Variants in DISC1 observed in about 807,000 individuals in gnomAD.
DISC1 encodes DISC1 scaffold protein, also known as disrupted in schizophrenia 1 protein.
DISC1 carries 57 observed loss-of-function variants against 84.5 expected under a neutral mutation model. That is an observed-to-expected ratio of 0.67 (90% CI 0.55 to 0.84). The LOEUF (loss-of-function observed/expected upper bound fraction) is 0.84. DISC1 is among the 40% of genes least tolerant of loss of function. DISC1 has a pLI of 0.00. For missense variants in DISC1, 1,000 were observed against 1,057.8 expected, an observed-to-expected ratio of 0.95 and a Z score of 0.76; for synonymous variants, 411 against 415.2, an observed-to-expected ratio of 0.99 and a Z score of 0.12.
Position 231,777,198 on chromosome 1 carries a change from T to G in DISC1, c.1634+6128T>G, listed in dbSNP as rs189389353. Reference sequence around the variant, plus strand: ...TGCATTTTTCTAGGAAATTCTGATTTTCCCCCTCTTTTTTTTGGTAAGGAC... The same window carrying G: ...TGCATTTTTCTAGGAAATTCTGATTGTCCCCCTCTTTTTTTTGGTAAGGAC... On this transcript the variant is annotated intron_variant, in intron 6 of 12. Transcript: ENST00000439617. Among the ~76,000 whole-genome samples the G allele has an allele frequency of 1.8e-3, 279 of 152,244 alleles. 2 individuals carry two copies. Among genetic ancestry groups the G allele is most frequent in the African/African-American group, 6.4e-3 (267 of 41,546 alleles).
chr1:231,635,032 A>C (rs138243930), intron 1 of DISC1, among the ~76,000 whole-genome samples: 1 of 152,190 alleles, frequency 6.6e-6, no homozygotes, highest in Admixed American at 6.5e-5. Context: ...TTAGAGCTTA[A>C]CAGCCACACC....
At chr1:231,924,775 G>A (rs1039383988) in intron 9 of DISC1, among the ~76,000 whole-genome samples, 4 of 151,478 alleles carry the variant, frequency 2.6e-5, no homozygotes, top group Non-Finnish European at 5.9e-5. Context: ...TCCTGCCTCA[G>A]CCTCCTGAGT....
chr1:231,747,762 T>C (rs2074168299), intron 3 of DISC1, among the ~76,000 whole-genome samples: 1 of 152,200 alleles, frequency 6.6e-6, no homozygotes, highest in South Asian at 2.1e-4. Flanking sequence ...TGTAGTTCCA[T>C]ACAAACTTTA....
intron 1 of DISC1, among the ~76,000 whole-genome samples, chr1:231,655,869 C>T (rs761932571): frequency 2.6e-4 from 39 of 152,016 alleles, no homozygotes; most frequent in Non-Finnish European, 3.5e-4. Context: ...AGCAGTTTTT[C>T]GTATGTTTCT....
At chr1:231,796,209 A>G (rs1201353355) in intron 7 of DISC1, among the ~76,000 whole-genome samples, 1 of 152,180 alleles carries the variant, frequency 6.6e-6, no homozygotes, top group Non-Finnish European at 1.5e-5. Flanking sequence ...ATGTATTTAT[A>G]CCTGGCCAAG....
Position 231,818,493 on chromosome 1 carries a change from G to A in DISC1, c.1957G>A (p.Val653Met). The change falls in exon 9 of 13, where the codon GTG (valine) becomes ATG (methionine). Residue 653 changes from valine (V) to methionine (M), a missense_variant. Physicochemically the swap from Val to Met is conservative, Grantham distance 21. Transcript: ENST00000439617. ...AGATTACAACAGACTGAGAAGAGAA[G>A]TGGAGCACCAGGAGACTGCCTATGG... is the stretch of plus-strand genomic sequence containing the variant. The part of the protein sequence containing the change: ...KEDYNRLRRE[V>M]EHQETAYETS... 6.2e-7 allele frequency: 1 copy of A among 1,614,166 alleles called. No individual in the cohort carries two copies. Among genetic ancestry groups the A allele is most frequent in the East Asian group, 2.2e-5 (1 of 44,884 alleles).
Position 231,661,901 on chromosome 1 carries a change from CT to C in DISC1, c.68-31924del, listed in dbSNP as rs557931752. On this transcript the variant is annotated intron_variant, in intron 1 of 12. Transcript: ENST00000439617. ...TATCTACCTTCAATCTTTGAGGTTG[CT>C]GGCCTTTCAATAGGGTTTTGTGGGA... 1.7e-4 allele frequency among the ~76,000 whole-genome samples: 26 copies of C among 152,300 alleles called. No individual in the cohort carries two copies. In the South Asian group the frequency reaches 5.0e-3, roughly 29 times the overall value.
At chr1:231,886,797 T>TTCTTTC in intron 9 of DISC1, among the ~76,000 whole-genome samples, 1 of 141,258 alleles carries the variant, frequency 7.1e-6, no homozygotes, top group Non-Finnish European at 1.5e-5. Flanking sequence ...CTTTCTTTCT[T>TTCTTTC]TCTTTCTTTC....
At chr1:231,952,730 A>G (rs1225741611) in intron 9 of DISC1, among the ~76,000 whole-genome samples, 1 of 145,666 alleles carries the variant, frequency 6.9e-6, no homozygotes, top group Non-Finnish European at 1.5e-5. Context: ...TATATATATA[A>G]ACTTATTTTA....
chr1:231,700,022 C>T (rs1022190294), intron 2 of DISC1, among the ~76,000 whole-genome samples: 2 of 152,234 alleles, frequency 1.3e-5, no homozygotes, highest in African/African-American at 4.8e-5. Context: ...TCGTGGTTCA[C>T]TCCCTTACCA....
chr1:231,862,153 G>A lies in DISC1; in HGVS notation c.1981+43636G>A, dbSNP rs534426413. On this transcript the variant is annotated intron_variant, in intron 9 of 12. Coordinates refer to ENST00000439617, the MANE Select transcript of DISC1 (RefSeq NM_018662.3). ...ACGGATGATAAAAAGCTTTATCATC[G>A]TTTTATTTCATTTCTGATTTACAAA... Among the ~76,000 whole-genome samples, 16 of 152,272 alleles carry A rather than the reference G, an allele frequency of 1.1e-4. No individual in the cohort carries two copies. The South Asian group carries it at 1.2e-3, about 12-fold the overall frequency.
At chr1:231,851,507 CCCCTGT>C (rs1294295191) in intron 9 of DISC1, among the ~76,000 whole-genome samples, 1 of 152,234 alleles carries the variant, frequency 6.6e-6, no homozygotes, top group East Asian at 1.9e-4. Context: ...CCTACATTCA[CCCCTGT>C]CCGAAGGGGG....
intron 8 of DISC1, among the ~76,000 whole-genome samples, chr1:231,803,005 A>G (rs2079398346): frequency 1.3e-5 from 2 of 152,150 alleles, no homozygotes; most frequent in South Asian, 2.1e-4. Context: ...TTCATTATCT[A>G]CTGCTGCCTA....
chr1:231,732,894 T>G (rs1320033122), intron 3 of DISC1, among the ~76,000 whole-genome samples: 2 of 63,862 alleles, frequency 3.1e-5, no homozygotes, highest in Admixed American at 1.6e-4. Flanking sequence ...GAGAGATGAG[T>G]TGGTGGTGTA....
At chr1:231,810,705 C>T (rs960188707) in intron 8 of DISC1, among the ~76,000 whole-genome samples, 17 of 152,144 alleles carry the variant, frequency 1.1e-4, no homozygotes, top group African/African-American at 2.9e-4. Flanking sequence ...TCACTAGAAG[C>T]GAACATCCTG....
rs553896958 is a variant in DISC1 at position 231,691,561 on chromosome 1, G to C, written c.68-2265G>C. ...AGCCTTTTTCTTTTAACTTCAGAAGGGTTATCTGGATGACTGGTATTTACA... is the reference window on the plus strand; with the variant it reads ...AGCCTTTTTCTTTTAACTTCAGAAGCGTTATCTGGATGACTGGTATTTACA... On this transcript the variant is annotated intron_variant, in intron 1 of 12. Coordinates refer to ENST00000439617, the MANE Select transcript of DISC1 (RefSeq NM_018662.3). Among the ~76,000 whole-genome samples, 3 of 152,280 alleles carry C rather than the reference G, an allele frequency of 2.0e-5. No individual in the cohort carries two copies. The East Asian group carries it at 5.8e-4, about 29-fold the overall frequency.
intron 9 of DISC1, among the ~76,000 whole-genome samples, chr1:231,928,441 C>T (rs1423633442): frequency 6.6e-6 from 1 of 152,184 alleles, no homozygotes. Context: ...TGATTCTTCT[C>T]TCTTTTCTTC....
At chr1:231,729,453 A>G (rs1167801070) in intron 3 of DISC1, among the ~76,000 whole-genome samples, 1 of 152,250 alleles carries the variant, frequency 6.6e-6, no homozygotes, top group African/African-American at 2.4e-5. Context: ...ACAGGTTCAC[A>G]GTGTGCTAGA....
intron 8 of DISC1, among the ~76,000 whole-genome samples, chr1:231,815,345 T>C (rs2125733564): frequency 6.6e-6 from 1 of 152,254 alleles, no homozygotes; most frequent in South Asian, 2.1e-4. Context: ...GTCATCATCG[T>C]CCCTCCTCTG....
Sources: gnomAD v4.1 joint callset for allele counts (sites outside exome capture counted in the v4.1 genomes callset) on GRCh38, gnomAD v4.1.1 for gene constraint, MANE v1.5 for transcripts, NCBI Gene and HGNC (gene_info 2026-07-23, HGNC 2026-07-21) for gene names.